The following TMEM232 variants were observed in gnomAD, a reference collection of about 807,000 sequenced individuals.
TMEM232 encodes transmembrane protein 232.
A neutral mutation model predicts 78.8 loss-of-function variants in TMEM232; 80 were observed. That is an observed-to-expected ratio of 1.01 (90% CI 0.85 to 1.22). The LOEUF is 1.22. Ranked by LOEUF, TMEM232 falls within the 50% of genes most tolerant of loss-of-function variation. The pLI is 0.00. For synonymous variants in TMEM232, 297 were observed against 254.3 expected (o/e 1.17, Z -1.60); for missense variants, 881 against 742.2 (o/e 1.19, Z -2.17).
chr5:110,709,414 A>T (rs556409819), intron 1 of TMEM232, among the ~76,000 whole-genome samples: 4 of 152,310 alleles, frequency 2.6e-5, no homozygotes, highest in African/African-American at 9.6e-5. Flanking sequence ...CATTTCATCC[A>T]ACAGCTGCAG....
intron 11 of TMEM232, among the ~76,000 whole-genome samples, chr5:110,544,587 G>A (rs1467538558): frequency 1.3e-5 from 2 of 152,080 alleles, no homozygotes; most frequent in Non-Finnish European, 2.9e-5. Context: ...AACCATTGCA[G>A]CAGTTTGCTA....
At chr5:110,534,900 A>C (rs1772089134) in intron 11 of TMEM232, among the ~76,000 whole-genome samples, 2 of 152,048 alleles carry the variant, frequency 1.3e-5, no homozygotes, top group East Asian at 3.9e-4. Flanking sequence ...TAAATGACAA[A>C]TATTTCTTCT....
At chr5:110,396,668 T>G (rs573001893) in intron 3 of TMEM232, among the ~76,000 whole-genome samples, 2 of 152,164 alleles carry the variant, frequency 1.3e-5, no homozygotes, top group Non-Finnish European at 2.9e-5. Flanking sequence ...TGCAGCCATA[T>G]CATCTGACTG....
rs568654816 is a variant in TMEM232, at chr5:110,688,942, T to C, written c.-12-21578A>G. On this transcript the variant is annotated intron_variant, in intron 1 of 13. Transcript: ENST00000455884. ...GTCAACCCAGCTCTCCAGACACAAA[T>C]GCATATCTGGTTGTTCCCCTACCCC... Among the ~76,000 whole-genome samples, 5 of 152,290 alleles carry C rather than the reference T, an allele frequency of 3.3e-5. No individual in the cohort carries two copies. In the East Asian group the frequency reaches 9.6e-4, roughly 29 times the overall value.
downstream of TMEM232, among the ~76,000 whole-genome samples, chr5:110,419,006 G>A (rs1580592338): frequency 6.6e-6 from 1 of 152,234 alleles, no homozygotes; most frequent in African/African-American, 2.4e-5. Context: ...TGGCTTTAAT[G>A]AGAGAGAGGT....
chr5:110,508,397 T>TTA (rs955219125), intron 12 of TMEM232, among the ~76,000 whole-genome samples: 3 of 150,776 alleles, frequency 2.0e-5, no homozygotes, highest in South Asian at 2.1e-4. Context: ...AAACAAAATT[T>TTA]TATATATATA....
chr5:110,603,236 C>T (rs576089671), intron 10 of TMEM232, among the ~76,000 whole-genome samples: 15 of 152,136 alleles, frequency 9.9e-5, no homozygotes, highest in African/African-American at 3.6e-4. Flanking sequence ...CACCACGGCA[C>T]ATGTATACCT....
At position 110,457,274 on chromosome 5, in the gene TMEM232, A is replaced by AT. The variant is rs201040938; in HGVS notation, c.1704-32359dup. ...CTGAGTACAAGAGAATTTGTTCTAC[A>AT]TAATTAGTCATTCAGTAAAGATTTA... On this transcript the variant is annotated intron_variant, in intron 12 of 13. Coordinates refer to ENST00000455884, the MANE Select transcript of TMEM232 (RefSeq NM_001039763.4). Among the ~76,000 whole-genome samples, 609 of 152,244 alleles carry AT rather than the reference A, an allele frequency of 4.0e-3. 3 individuals are homozygous for AT. The highest frequency in any genetic ancestry group is 6.7e-3 in the Non-Finnish European group (452 of 67,936).
intron 11 of TMEM232, among the ~76,000 whole-genome samples, chr5:110,554,429 G>C (rs940336275): frequency 4.6e-5 from 7 of 152,180 alleles, no homozygotes; most frequent in Admixed American, 1.3e-4. Context: ...GATCATGTGA[G>C]TTAATACTTA....
chr5:110,493,232 A>C (rs1348864072), intron 12 of TMEM232, among the ~76,000 whole-genome samples: 3 of 152,046 alleles, frequency 2.0e-5, no homozygotes, highest in Non-Finnish European at 4.4e-5. Context: ...CTAGAGATGA[A>C]AACTTAGTAT....
At chr5:110,614,941 T>C (rs1040587021) in intron 8 of TMEM232, among the ~76,000 whole-genome samples, 1 of 151,978 alleles carries the variant, frequency 6.6e-6, no homozygotes, top group Non-Finnish European at 1.5e-5. Context: ...TTAAGTGCTA[T>C]TTATAGTAAA....
chr5:110,469,426 T>C (rs1261967618), intron 12 of TMEM232, among the ~76,000 whole-genome samples: 27 of 152,218 alleles, frequency 1.8e-4, no homozygotes. Context: ...ATGCCAGTCA[T>C]GGCTGTGCCC....
chr5:110,642,633 A>G (rs755253495), intron 2 of TMEM232, among the ~76,000 whole-genome samples: 2 of 152,140 alleles, frequency 1.3e-5, no homozygotes, highest in Non-Finnish European at 2.9e-5. Flanking sequence ...GATGACTGCT[A>G]GAAGTCTTGT....
At chr5:110,580,624 T>G (rs1778094442) in intron 10 of TMEM232, among the ~76,000 whole-genome samples, 2 of 151,550 alleles carry the variant, frequency 1.3e-5, no homozygotes, top group African/African-American at 2.4e-5. Context: ...ATTTCAATAA[T>G]AAGGATGACA....
At chr5:110,486,623 C>T (rs1764493808) in intron 12 of TMEM232, among the ~76,000 whole-genome samples, 1 of 151,844 alleles carries the variant, frequency 6.6e-6, no homozygotes, top group Non-Finnish European at 1.5e-5. Context: ...TCAGTTGGCT[C>T]TAAGTAGTTG....
chr5:110,633,406 C>A (rs1231385077), intron 5 of TMEM232, among the ~76,000 whole-genome samples: 1 of 152,060 alleles, frequency 6.6e-6, no homozygotes, highest in African/African-American at 2.4e-5. Flanking sequence ...GAAAAGAAGA[C>A]AAGAATACAC....
chr5:110,603,072 A>G (rs917970627), intron 10 of TMEM232, among the ~76,000 whole-genome samples: 4 of 152,112 alleles, frequency 2.6e-5, no homozygotes, highest in Non-Finnish European at 5.9e-5. Context: ...GTTCTCACTC[A>G]TAAGTGGGAG....
chr5:110,717,092 A>T (rs2150333654), intron 1 of TMEM232, among the ~76,000 whole-genome samples: 1 of 152,166 alleles, frequency 6.6e-6, no homozygotes, highest in African/African-American at 2.4e-5. Context: ...CTAGAACAAA[A>T]ACTGTAAAAT....
At chr5:110,717,710 C>T (rs534026954) in intron 1 of TMEM232, among the ~76,000 whole-genome samples, 1 of 152,222 alleles carries the variant, frequency 6.6e-6, no homozygotes, top group Non-Finnish European at 1.5e-5. Flanking sequence ...TTCTTCCATG[C>T]TGTTCTCATG....
Sources: gnomAD v4.1 joint callset for allele counts (sites outside exome capture counted in the v4.1 genomes callset) on GRCh38, gnomAD v4.1.1 for gene constraint, MANE v1.5 for transcripts, NCBI Gene and HGNC (gene_info 2026-07-23, HGNC 2026-07-21) for gene names.